The following THUMPD3 variants were observed in gnomAD, a reference collection of about 807,000 sequenced individuals.
THUMPD3 encodes tRNA (guanine(6)-N(2))-methyltransferase THUMP3.
Under a neutral mutation model 54.5 loss-of-function variants are expected in THUMPD3, and 44 were observed. That is an observed-to-expected ratio of 0.81 (90% CI 0.63 to 1.04). THUMPD3 has a LOEUF of 1.04. THUMPD3 is among the 50% of genes least tolerant of loss of function. The pLI is 0.00. For synonymous variants in THUMPD3, 196 were observed against 201.4 expected, an observed-to-expected ratio of 0.97 and a Z score of 0.23; for missense variants, 604 against 601.3, an observed-to-expected ratio of 1.00 and a Z score of -0.05.
intron 4 of THUMPD3, among the ~76,000 whole-genome samples, chr3:9,374,001 G>T (rs1007831829): frequency 1.6e-4 from 24 of 152,164 alleles, no homozygotes; most frequent in Non-Finnish European, 3.1e-4. Context: ...TACACGATGT[G>T]TAAACAGCAT....
chr3:9,380,539 G>A lies in THUMPD3; in HGVS notation c.1045G>A (p.Gly349Ser). 1.9e-6 allele frequency: 3 copies of A among 1,613,190 alleles called. No homozygotes were observed. The highest frequency in any genetic ancestry group is 2.5e-6 in the Non-Finnish European group (3 of 1,179,528). The stretch of plus-strand genomic sequence containing the variant: ...ATGGTCTGACTGTTTCCATATTGCT[G>A]GTGATAATAATCCACTGGCTGTGAA... ...TEWSDCFHIA[G>S]DNNPLAVNRA... The change falls in exon 7 of 10, where the codon GGT becomes AGT. Residue 349 changes from glycine (G) to serine (S), a missense_variant. By Grantham distance (56) the Gly-to-Ser change is moderately conservative. Coordinates refer to ENST00000452837, the MANE Select transcript of THUMPD3 (RefSeq NM_001114092.2).
At chr3:9,383,408 G>A (rs887989883) in intron 8 of THUMPD3, 99 bp downstream of exon 8, 1 of 841,738 alleles carries the variant, frequency 1.2e-6, no homozygotes, top group South Asian at 1.5e-5. Flanking sequence ...AGCAGACTTA[G>A]CAGAGCTGTT....
intron 5 of THUMPD3, among the ~76,000 whole-genome samples, chr3:9,375,544 A>G (rs1023943112): frequency 2.0e-5 from 3 of 152,228 alleles, no homozygotes; most frequent in African/African-American, 7.2e-5. Context: ...TGTGAGACTT[A>G]AAGGATTATT....
In THUMPD3 at chr3:9,376,622, C is replaced by A. The variant is rs189416630; in HGVS notation, c.939-1197C>A. 1.1e-4 allele frequency among the ~76,000 whole-genome samples: 16 copies of A among 152,294 alleles called. No homozygotes were observed. In the East Asian group the frequency reaches 3.1e-3, roughly 29 times the overall value. On this transcript the variant is annotated intron_variant, in intron 5 of 9. Transcript: ENST00000452837. ...GGACCAATGTTACAATAAGAACCCA[C>A]TATTAACCCCCAAGAATCTGTCTTG... is the stretch of plus-strand genomic sequence containing the variant.
chr3:9,377,719 C>A, intron 5 of THUMPD3, 100 bp from the exon 6 acceptor site: 2 of 855,744 alleles, frequency 2.3e-6, no homozygotes, highest in Non-Finnish European at 3.8e-6. Flanking sequence ...TTCCTTCGGG[C>A]TAGTGTGGTA....
At chr3:9,368,044 G>A (rs1161596144) in intron 3 of THUMPD3, among the ~76,000 whole-genome samples, 4 of 151,720 alleles carry the variant, frequency 2.6e-5, no homozygotes, top group African/African-American at 9.7e-5. Context: ...CAGCCTGGGC[G>A]ACAGAGCGAG....
In THUMPD3 at chr3:9,384,999, G is replaced by C. The variant is rs147554544; in HGVS notation, c.*311G>C. The stretch of plus-strand genomic sequence containing the variant: ...TACTAGAAATACAAAAATTAGCCAG[G>C]TGTGGTGGCGGGCGCCTGTAATCCC... On this transcript the variant is annotated 3_prime_UTR_variant, in exon 10 of 10. Coordinates refer to ENST00000452837, the MANE Select transcript of THUMPD3 (RefSeq NM_001114092.2). 4.0e-6 allele frequency: 1 copy of C among 249,600 alleles called. No homozygotes were observed. Among genetic ancestry groups the C allele is most frequent in the African/African-American group, 2.2e-5 (1 of 44,580 alleles). The allele number at this position is 249,600 out of a possible 1,614,324, so 15.5% of individuals were successfully genotyped here. A position where few individuals can be genotyped will look rare whatever the true frequency, so the allele number is the denominator to read the frequency against.
chr3:9,381,233 A>G (rs934801773), intron 7 of THUMPD3, among the ~76,000 whole-genome samples: 12 of 152,234 alleles, frequency 7.9e-5, no homozygotes, highest in Admixed American at 3.9e-4. Context: ...CACCTGGACC[A>G]TAGTCTTTAA....
chr3:9,371,105 T>A lies in THUMPD3; in HGVS notation c.376T>A (p.Trp126Arg), dbSNP rs1033791232. ...TGAAGACTTGGCTGGAAAACTCCCA[T>A]GGTCAAACCCCTTAAAAGTGTGGAA... ...DFEDLAGKLP[W>R]SNPLKVWKIN... Residue 126 changes from tryptophan (W) to arginine (R), a missense_variant, in exon 4 of 10, where the codon TGG becomes AGG. Physicochemically the swap from Trp to Arg is moderately radical, Grantham distance 101 (BLOSUM62 -3). Transcript: ENST00000452837. The A allele has an allele frequency of 6.3e-7, 1 of 1,582,792 alleles. No individual in the cohort carries two copies. Among genetic ancestry groups the A allele is most frequent in the African/African-American group, 1.4e-5 (1 of 72,718 alleles).
rs1320813458 is a variant in THUMPD3, at chr3:9,386,770, A to C, written c.*2082A>C. On this transcript the variant is annotated 3_prime_UTR_variant, in exon 10 of 10. Coordinates refer to ENST00000452837, the MANE Select transcript of THUMPD3 (RefSeq NM_001114092.2). ...AAGAATGTGAAAAGATGGGGAAATA[A>C]ATCTGTAATCTGAACATGGAATGAC... 1 of 152,192 alleles carries C rather than the reference A, an allele frequency of 6.6e-6. No homozygotes were observed. Among genetic ancestry groups the C allele is most frequent in the Non-Finnish European group, 1.5e-5 (1 of 68,026 alleles). 9.4% of individuals were successfully genotyped at this position (152,192 alleles called of 1,614,324 possible). A position where few individuals can be genotyped will look rare whatever the true frequency, so the allele number is the denominator to read the frequency against.
At chr3:9,373,143 C>T (rs1047296297) in intron 4 of THUMPD3, among the ~76,000 whole-genome samples, 1 of 151,900 alleles carries the variant, frequency 6.6e-6, no homozygotes, top group African/African-American at 2.4e-5. Flanking sequence ...ACAGTGATGT[C>T]TAAAAGTTAG....
intron 3 of THUMPD3, among the ~76,000 whole-genome samples, chr3:9,369,413 G>A (rs2125313261): frequency 6.6e-6 from 1 of 150,966 alleles, no homozygotes; most frequent in African/African-American, 2.4e-5. Flanking sequence ...TATACGTATA[G>A]CTTGACGGTA....
rs2125341759 is a variant in THUMPD3, at chr3:9,386,052, C to A, written c.*1364C>A. On this transcript the variant is annotated 3_prime_UTR_variant, in exon 10 of 10. Transcript: ENST00000452837. ...TATTATAATAGTACTCCTCTTAATA[C>A]TTTCTGATGTCTCCATTGAGAATAA... 1 of 152,262 alleles carries A rather than the reference C, an allele frequency of 6.6e-6. No homozygotes were observed. Among genetic ancestry groups the A allele is most frequent in the East Asian group, 1.9e-4 (1 of 5,174 alleles). The allele number at this position is 152,262 out of a possible 1,614,324, so 9.4% of individuals were successfully genotyped here.
intron 5 of THUMPD3, among the ~76,000 whole-genome samples, chr3:9,377,478 A>G (rs754991665): frequency 5.3e-5 from 8 of 152,006 alleles, no homozygotes; most frequent in Non-Finnish European, 1.0e-4. Context: ...GGTTCAAGCA[A>G]TTCTCGAGTC....
In THUMPD3 at chr3:9,386,228, A is replaced by G. The variant is rs1257883419; in HGVS notation, c.*1540A>G. ...TATATCCTAGACTGGCCTTTTTACCACTATCAGAATTCACAGCTGCTTTGT... is the reference window on the plus strand; with the variant it reads ...TATATCCTAGACTGGCCTTTTTACCGCTATCAGAATTCACAGCTGCTTTGT... On this transcript the variant is annotated 3_prime_UTR_variant, in exon 10 of 10. Transcript: ENST00000452837. 1 of 152,164 alleles carries G rather than the reference A, an allele frequency of 6.6e-6. No individual in the cohort carries two copies. Among genetic ancestry groups the G allele is most frequent in the Admixed American group, 6.5e-5 (1 of 15,288 alleles). The allele number at this position is 152,164 out of a possible 1,614,324, so 9.4% of individuals were successfully genotyped here.
chr3:9,368,098 T>C (rs919272089), intron 3 of THUMPD3, among the ~76,000 whole-genome samples: 1 of 151,826 alleles, frequency 6.6e-6, no homozygotes. Context: ...TAGATAAAAA[T>C]TGTATTAAGT....
intron 1 of THUMPD3, 110 bp from the exon 2 acceptor site, chr3:9,364,906 G>A: frequency 1.2e-6 from 1 of 845,692 alleles, no homozygotes; most frequent in Non-Finnish European, 1.8e-6. Flanking sequence ...TTTGGTGACT[G>A]TTTATCAGAT....
chr3:9,366,028 AGGT>A (rs1330401026), intron 2 of THUMPD3, among the ~76,000 whole-genome samples: 1 of 152,124 alleles, frequency 6.6e-6, no homozygotes, highest in Non-Finnish European at 1.5e-5. Context: ...ACATTTTTAG[AGGT>A]GATCTAGTAT....
intron 4 of THUMPD3, among the ~76,000 whole-genome samples, chr3:9,372,854 G>A (rs1207947115): frequency 3.3e-5 from 5 of 152,146 alleles, no homozygotes; most frequent in South Asian, 2.1e-4. Context: ...GTCAATTTCC[G>A]TTGCTTTTGG....
Sources: allele counts gnomAD v4.1 joint callset (sites outside exome capture counted in the v4.1 genomes callset), GRCh38; gene constraint gnomAD v4.1.1; transcripts MANE v1.5; gene names NCBI Gene and HGNC (gene_info 2026-07-23, HGNC 2026-07-21).